The following POGZ variants were observed in gnomAD, a reference collection of about 807,000 sequenced individuals.
POGZ encodes the protein pogo transposable element with ZNF domain.
Under a neutral mutation model 134.6 loss-of-function variants are expected in POGZ, and 17 were observed. The ratio of observed to expected loss-of-function variants is 0.13; its 90% CI spans 0.09 to 0.19. The LOEUF is 0.19. POGZ is among the 10% of genes least tolerant of loss of function. The pLI, the probability that POGZ is intolerant of heterozygous loss-of-function variation, is 1.00. For missense variants in POGZ, 1,306 were observed against 1,769.7 expected (o/e 0.74, Z 4.70); for synonymous variants, 693 against 657.1 (o/e 1.05, Z -0.84).
intron 10 of POGZ, among the ~76,000 whole-genome samples, chr1:151,413,739 G>A (rs1042910622): frequency 1.3e-5 from 2 of 151,832 alleles, no homozygotes; most frequent in African/African-American, 4.8e-5. Context: ...GAGCGCAGTG[G>A]CTCAATCATG....
At chr1:151,413,675 C>T (rs973870467) in intron 10 of POGZ, among the ~76,000 whole-genome samples, 6 of 151,068 alleles carry the variant, frequency 4.0e-5, no homozygotes, top group African/African-American at 1.2e-4. Flanking sequence ...TTTTAACTAC[C>T]GAGAACCCTG....
At chr1:151,457,872 A>C (rs2102446601) in intron 1 of POGZ, among the ~76,000 whole-genome samples, 1 of 151,422 alleles carries the variant, frequency 6.6e-6, no homozygotes, top group Middle Eastern at 3.4e-3. Flanking sequence ...GGTTGCAGTG[A>C]GCAGAGATCG....
intron 10 of POGZ, among the ~76,000 whole-genome samples, chr1:151,421,147 T>C (rs995200035): frequency 6.6e-6 from 1 of 152,080 alleles, no homozygotes; most frequent in African/African-American, 2.4e-5. Context: ...CTTATTGTAC[T>C]GCACTCACCT....
chr1:151,410,935 C>T (rs770901580), intron 12 of POGZ, among the ~76,000 whole-genome samples: 1 of 152,204 alleles, frequency 6.6e-6, no homozygotes, highest in Non-Finnish European at 1.5e-5. Context: ...TATCTCTCAA[C>T]TCTACCCTCT....
At chr1:151,408,312 C>G in intron 14 of POGZ, 72 bp from the exon 15 acceptor site, 1 of 1,580,366 alleles carries the variant, frequency 6.3e-7, no homozygotes, top group Non-Finnish European at 8.6e-7. Flanking sequence ...TTTCAGACAA[C>G]AAACCCTGCT....
chr1:151,433,303 G>A (rs1659017907), intron 3 of POGZ, among the ~76,000 whole-genome samples: 1 of 152,098 alleles, frequency 6.6e-6, no homozygotes, highest in African/African-American at 2.4e-5. Flanking sequence ...AATTTTGGTG[G>A]ATTGTTAGAA....
At chr1:151,414,785 A>G (rs1260615280) in intron 10 of POGZ, among the ~76,000 whole-genome samples, 1 of 152,226 alleles carries the variant, frequency 6.6e-6, no homozygotes, top group Non-Finnish European at 1.5e-5. Context: ...TCCCTCAAAA[A>G]AAAGAAAAAA....
intron 1 of POGZ, among the ~76,000 whole-genome samples, chr1:151,458,800 G>A (rs1429358607): frequency 1.4e-5 from 2 of 145,628 alleles, no homozygotes; most frequent in South Asian, 2.1e-4. Flanking sequence ...GCGGGGCCGT[G>A]GGGCGCGAGT....
chr1:151,439,034 T>C (rs911211373), intron 3 of POGZ: 1 of 152,062 alleles, frequency 6.6e-6, no homozygotes, highest in African/African-American at 2.4e-5. Context: ...TCAGAACTTA[T>C]AAACATTAGT....
intron 12 of POGZ, among the ~76,000 whole-genome samples, chr1:151,410,598 G>T (rs1225088833): frequency 6.6e-6 from 1 of 152,046 alleles, no homozygotes. Flanking sequence ...AACAGGGTTG[G>T]GGGGCCCATG....
Position 151,405,058 on chromosome 1 carries a change from GCCA to G in POGZ, c.3974_3976del (p.Val1325del). The G allele has an allele frequency of 6.2e-7, 1 of 1,614,196 alleles. No homozygotes were observed. The highest frequency in any genetic ancestry group is 8.5e-7 in the Non-Finnish European group (1 of 1,180,046). On this transcript the variant is annotated inframe_deletion, in exon 19 of 19. Transcript: ENST00000271715. This position sits in a 1 kb window ranked among gnomAD's most constrained non-coding sequence, Gnocchi z 4.9. ...GCCATCGGGGCCAGGCAGAACACTA[GCCA>G]CCAGGAAGGAGCGCTGAACTAGCTC...
At chr1:151,429,458 T>G in intron 5 of POGZ, 145 bp downstream of exon 5, 1 of 436,444 alleles carries the variant, frequency 2.3e-6, no homozygotes, top group Non-Finnish European at 4.1e-6. Context: ...AGCAGATTTT[T>G]TAAAATTGGG....
chr1:151,453,291 C>T (rs1571596148), intron 1 of POGZ, among the ~76,000 whole-genome samples: 2 of 151,860 alleles, frequency 1.3e-5, no homozygotes, highest in Admixed American at 1.3e-4. Flanking sequence ...AGTGGAACTA[C>T]CTACTCATAT....
chr1:151,430,550 T>C (rs1175286515), intron 4 of POGZ, 116 bp downstream of exon 4: 2 of 729,784 alleles, frequency 2.7e-6, no homozygotes, highest in African/African-American at 3.7e-5. Context: ...GAAAGCCAGG[T>C]CAAAAGACAA....
chr1:151,423,607 AG>A, intron 9 of POGZ, 56 bp from the exon 10 acceptor site: 1 of 1,390,280 alleles, frequency 7.2e-7, no homozygotes. Context: ...GTAGCCTTTT[AG>A]AAATATAATG....
intron 10 of POGZ, among the ~76,000 whole-genome samples, chr1:151,418,992 T>C (rs1337121949): frequency 1.7e-5 from 2 of 118,472 alleles, no homozygotes; most frequent in Non-Finnish European, 3.2e-5. Flanking sequence ...GCCACCGTAC[T>C]CCAGCATGGG....
At chr1:151,420,988 C>CATATATATATATAT (rs71090165) in intron 10 of POGZ, among the ~76,000 whole-genome samples, 9 of 144,926 alleles carry the variant, frequency 6.2e-5, no homozygotes, top group African/African-American at 2.3e-4. Flanking sequence ...CGTGTTTTTT[C>CATATATATATATAT]ATATATATAT....
chr1:151,410,529 CTAT>C (rs992081531), intron 12 of POGZ, among the ~76,000 whole-genome samples: 7 of 152,086 alleles, frequency 4.6e-5, no homozygotes, highest in Non-Finnish European at 8.8e-5. Context: ...CCTCCTAGTA[CTAT>C]GGTGGTTGCT....
Position 151,404,151 on chromosome 1 carries a change from T to C in POGZ, c.*651A>G. 3 of 985,414 alleles carry C rather than the reference T, an allele frequency of 3.0e-6. No homozygotes were observed. The highest frequency in any genetic ancestry group is 3.6e-6 in the Non-Finnish European group (3 of 829,668). 61.0% of individuals were successfully genotyped at this position (985,414 alleles called of 1,614,324 possible). A position where few individuals can be genotyped will look rare whatever the true frequency, so the allele number is the denominator to read the frequency against. ...CACAATTTTATATCTAGGGTTGCTG[T>C]AGAAACCAACATCTCTGGAGAGGGA... is the stretch of plus-strand genomic sequence containing the variant. On this transcript the variant is annotated 3_prime_UTR_variant, in exon 19 of 19. Coordinates refer to ENST00000271715, the MANE Select transcript of POGZ (RefSeq NM_015100.4).
Sources: allele counts gnomAD v4.1 joint callset (sites outside exome capture counted in the v4.1 genomes callset), GRCh38; gene constraint gnomAD v4.1.1; non-coding constraint Gnocchi (gnomAD v3.1); transcripts MANE v1.5; gene names NCBI Gene and HGNC (gene_info 2026-07-23, HGNC 2026-07-21).